Variants in TSPEAR observed in about 807,000 individuals in gnomAD.
TSPEAR encodes the protein thrombospondin type laminin G domain and EAR repeats, also known as thrombospondin-type laminin G domain and EAR repeat-containing protein.
A neutral mutation model predicts 71.6 loss-of-function variants in TSPEAR; 69 were observed. The ratio of observed to expected loss-of-function variants is 0.96; its 90% CI spans 0.79 to 1.18. TSPEAR has a LOEUF of 1.18. Among genes scored for constraint, TSPEAR ranks in the 50% most tolerant of loss-of-function variants. TSPEAR has a pLI of 0.00. For synonymous variants in TSPEAR, 402 were observed against 387.2 expected (o/e 1.04, Z -0.45); for missense variants, 971 against 894.9 (o/e 1.09, Z -1.09).
In TSPEAR at chr21:44,618,678, G is replaced by A. The variant is rs369827904; in HGVS notation, c.83-50673C>T. Among the ~76,000 whole-genome samples the A allele has an allele frequency of 9.2e-5, 14 of 152,344 alleles. No individual in the cohort carries two copies. The East Asian group carries it at 1.7e-3, about 19-fold the overall frequency. On this transcript the variant is annotated intron_variant, in intron 1 of 11. Coordinates refer to ENST00000323084, the MANE Select transcript of TSPEAR (RefSeq NM_144991.3). Reference sequence around the variant, plus strand: ...CTGCCAGGGAAGCAGAGTGGACCTTGTTTGTAAGGCAGTGCAGTTGCCTGT... The same window carrying A: ...CTGCCAGGGAAGCAGAGTGGACCTTATTTGTAAGGCAGTGCAGTTGCCTGT...
intron 1 of TSPEAR, chr21:44,580,576 C>CA: frequency 6.2e-7 from 1 of 1,607,624 alleles, no homozygotes; most frequent in South Asian, 1.1e-5. Context: ...TGCACGCGGC[C>CA]ATGCTGGGGT....
intron 11 of TSPEAR, among the ~76,000 whole-genome samples, chr21:44,503,408 A>AAGCT: frequency 8.5e-6 from 1 of 116,998 alleles, no homozygotes; most frequent in Non-Finnish European, 1.8e-5. Flanking sequence ...CTCTGGGAGG[A>AAGCT]GGCCGGAGTT....
intron 2 of TSPEAR, chr21:44,558,331 A>C (rs1555920300): frequency 6.2e-7 from 1 of 1,613,502 alleles, no homozygotes. Context: ...GCCCCAGAGC[A>C]GACGGGCACA....
intron 8 of TSPEAR, among the ~76,000 whole-genome samples, chr21:44,525,050 G>A (rs902152993): frequency 6.6e-6 from 1 of 151,942 alleles, no homozygotes; most frequent in Admixed American, 6.6e-5. Context: ...CAGTCAGTCA[G>A]GTAGTTAGTC....
At chr21:44,701,572 G>T (rs1555951531) in intron 1 of TSPEAR, among the ~76,000 whole-genome samples, 1 of 152,206 alleles carries the variant, frequency 6.6e-6, no homozygotes, top group Non-Finnish European at 1.5e-5. Flanking sequence ...CCCGTCTGGG[G>T]GTGATGGGAG....
At chr21:44,640,754 A>C (rs1265171533) in intron 1 of TSPEAR, among the ~76,000 whole-genome samples, 1 of 152,254 alleles carries the variant, frequency 6.6e-6, no homozygotes, top group African/African-American at 2.4e-5. Context: ...TTTAAATCCA[A>C]CAGAAAGAAA....
At chr21:44,646,459 A>G in intron 1 of TSPEAR, 22 of 1,604,892 alleles carry the variant, frequency 1.4e-5, no homozygotes, top group Non-Finnish European at 1.8e-5. Context: ...CCACCCCAGC[A>G]TGGCCGCGTC....
At chr21:44,509,418 T>TG (rs1220986098) in intron 9 of TSPEAR, 32 bp from the exon 10 acceptor site, 1 of 1,377,858 alleles carries the variant, frequency 7.3e-7, no homozygotes, top group Non-Finnish European at 9.6e-7. Flanking sequence ...TGCAGAGGTG[T>TG]GGGGGAGCGG....
intron 1 of TSPEAR, among the ~76,000 whole-genome samples, chr21:44,707,995 C>T (rs537688062): frequency 5.5e-4 from 42 of 76,788 alleles, no homozygotes; most frequent in African/African-American, 2.2e-3. Context: ...CCCCCCTCCC[C>T]GCCCCGCGCG....
chr21:44,585,420 T>A (rs141450936), intron 1 of TSPEAR, among the ~76,000 whole-genome samples: 1 of 152,356 alleles, frequency 6.6e-6, no homozygotes, highest in Admixed American at 6.5e-5. Flanking sequence ...GGTCCCATCT[T>A]CTTTTAGTTC....
intron 1 of TSPEAR, among the ~76,000 whole-genome samples, chr21:44,603,941 G>C (rs587669204): frequency 1.3e-5 from 2 of 152,336 alleles, no homozygotes; most frequent in South Asian, 4.1e-4. Flanking sequence ...CCATCCCAGA[G>C]AAGCCACCTG....
chr21:44,540,263 G>T lies in TSPEAR; in HGVS notation c.304-6340C>A, dbSNP rs1302309078. The T allele has an allele frequency of 9.3e-6, 14 of 1,511,290 alleles. No homozygotes were observed. The Admixed American group carries it at 2.5e-4, about 27-fold the overall frequency. 93.6% of individuals were successfully genotyped at this position (1,511,290 alleles called of 1,614,324 possible). A position where few individuals can be genotyped will look rare whatever the true frequency, so the allele number is the denominator to read the frequency against. ...GAGTGTGTGAGCTTCGTGGGGCTCT[G>T]CTTTTATACCCCTTCTGGCCTTGTT... is the stretch of plus-strand genomic sequence containing the variant. On this transcript the variant is annotated intron_variant, in intron 2 of 11. Coordinates refer to ENST00000323084, the MANE Select transcript of TSPEAR (RefSeq NM_144991.3).
intron 1 of TSPEAR, chr21:44,658,307 T>A: frequency 6.3e-7 from 1 of 1,588,774 alleles, no homozygotes; most frequent in Non-Finnish European, 8.6e-7. Flanking sequence ...CACACCTGTA[T>A]CCCTCCGTGA....
intron 9 of TSPEAR, among the ~76,000 whole-genome samples, chr21:44,514,446 C>T (rs899970954): frequency 5.9e-5 from 9 of 152,250 alleles, no homozygotes; most frequent in South Asian, 2.1e-4. Context: ...GGCACCAAGT[C>T]GGGGGCCCAG....
chr21:44,627,472 G>T (rs587677446), intron 1 of TSPEAR: 1 of 1,542,574 alleles, frequency 6.5e-7, no homozygotes, highest in East Asian at 2.4e-5. Context: ...GGCCTGCTGC[G>T]TGCCCGTCTG....
intron 1 of TSPEAR, among the ~76,000 whole-genome samples, chr21:44,691,043 A>G (rs1339154641): frequency 3.3e-5 from 5 of 152,128 alleles, no homozygotes; most frequent in African/African-American, 1.2e-4. Context: ...GACACCTATT[A>G]GTTTGTCCTC....
At chr21:44,651,979 CTTTTTTTTTTT>C (rs60867977) in intron 1 of TSPEAR, among the ~76,000 whole-genome samples, 25,962 of 124,842 alleles carry the variant, frequency 0.21, 2,398 homozygotes, top group Admixed American at 0.23. Flanking sequence ...ATAAAACTTT[CTTTTTTTTTTT>C]TTTTTTTTTT....
chr21:44,658,699 G>C (rs879957889), intron 1 of TSPEAR, among the ~76,000 whole-genome samples: 1 of 152,036 alleles, frequency 6.6e-6, no homozygotes, highest in Non-Finnish European at 1.5e-5. Context: ...TCTGTCCCCC[G>C]ACTCCCTCCC....
chr21:44,626,184 A>G (rs1345739026), intron 1 of TSPEAR, among the ~76,000 whole-genome samples: 1 of 152,254 alleles, frequency 6.6e-6, no homozygotes, highest in Non-Finnish European at 1.5e-5. Context: ...AAAAATGTGA[A>G]ATCACAATCA....
Sources: gnomAD v4.1 joint callset for allele counts (sites outside exome capture counted in the v4.1 genomes callset) on GRCh38, gnomAD v4.1.1 for gene constraint, MANE v1.5 for transcripts, NCBI Gene and HGNC (gene_info 2026-07-23, HGNC 2026-07-21) for gene names.